CGNL1: variants seen among roughly 807,000 people sequenced by gnomAD.
The protein encoded by CGNL1 is cingulin like 1.
CGNL1 carries 132 observed loss-of-function variants against 141.2 expected under a neutral mutation model. The observed-to-expected ratio is 0.93, with a 90% confidence interval of 0.81 to 1.08. The LOEUF (loss-of-function observed/expected upper bound fraction) is 1.08. Ranked by LOEUF, CGNL1 falls within the 50% of genes least tolerant of loss-of-function variation. CGNL1 has a pLI of 0.00. For missense variants in CGNL1, 1,870 were observed against 1,588.6 expected, an observed-to-expected ratio of 1.18 and a Z score of -3.01; for synonymous variants, 690 against 622.1, an observed-to-expected ratio of 1.11 and a Z score of -1.63.
At chr15:57,445,506 C>T (rs2063239976) in intron 4 of CGNL1, among the ~76,000 whole-genome samples, 1 of 152,150 alleles carries the variant, frequency 6.6e-6, no homozygotes, top group Non-Finnish European at 1.5e-5. Context: ...GGACGGAGAC[C>T]ATACTGGAAA....
chr15:57,486,427 C>G (rs1378831077), intron 8 of CGNL1, among the ~76,000 whole-genome samples: 1 of 152,190 alleles, frequency 6.6e-6, no homozygotes, highest in Non-Finnish European at 1.5e-5. Context: ...GAAAGCCAGA[C>G]AGATACTGGG....
intron 1 of CGNL1, among the ~76,000 whole-genome samples, chr15:57,425,154 G>T (rs2062958618): frequency 1.3e-5 from 2 of 152,128 alleles, no homozygotes; most frequent in African/African-American, 4.8e-5. Flanking sequence ...GACAGGGAAA[G>T]GAAAAAGTTT....
chr15:57,545,582 C>A lies in CGNL1; in HGVS notation c.3501-10C>A. The A allele has an allele frequency of 6.2e-7, 1 of 1,610,192 alleles. No homozygotes were observed. Reference sequence around the variant, plus strand: ...TGAGAGGGTTCTTGGTTCTGTCTCCCCTCTTCCAGGGATCGGGCCAATCTT... The same window carrying A: ...TGAGAGGGTTCTTGGTTCTGTCTCCACTCTTCCAGGGATCGGGCCAATCTT... On this transcript the variant is annotated splice_polypyrimidine_tract_variant and intron_variant, in intron 16 of 18. Coordinates refer to ENST00000281282, the MANE Select transcript of CGNL1 (RefSeq NM_032866.5).
intron 8 of CGNL1, among the ~76,000 whole-genome samples, chr15:57,492,176 T>G (rs73421865): frequency 0.035 from 5,365 of 152,328 alleles, 308 homozygotes; most frequent in African/African-American, 0.12. Flanking sequence ...AACTAAAGCC[T>G]TAGGTTTCTC....
intron 3 of CGNL1, among the ~76,000 whole-genome samples, 182 bp from the exon 4 acceptor site, chr15:57,442,182 GAAAAAAAAA>G (rs61564944): frequency 1.0e-5 from 1 of 96,512 alleles, no homozygotes; most frequent in East Asian, 3.6e-4. Context: ...TCATTTATTT[GAAAAAAAAA>G]AAAAAAAAAA....
chr15:57,439,622 GT>G, intron 2 of CGNL1, 21 bp downstream of exon 2: 1 of 1,600,678 alleles, frequency 6.2e-7, no homozygotes, highest in South Asian at 1.1e-5. Flanking sequence ...TGCGATTCCT[GT>G]TTGGTTTTTT....
chr15:57,523,808 T>C (rs1163640833), intron 11 of CGNL1, among the ~76,000 whole-genome samples, 167 bp downstream of exon 11: 3 of 152,200 alleles, frequency 2.0e-5, no homozygotes, highest in African/African-American at 4.8e-5. Flanking sequence ...GTTGAAAAGA[T>C]AGACACTGGT....
intron 8 of CGNL1, among the ~76,000 whole-genome samples, chr15:57,469,151 G>A (rs545701358): frequency 1.4e-4 from 22 of 152,182 alleles, no homozygotes; most frequent in Non-Finnish European, 2.6e-4. Flanking sequence ...AGAGAGTGGG[G>A]AGGAATGAGC....
intron 8 of CGNL1, among the ~76,000 whole-genome samples, chr15:57,493,851 A>T (rs1263427877): frequency 2.6e-5 from 4 of 152,234 alleles, no homozygotes; most frequent in African/African-American, 9.7e-5. Context: ...GTTTTCAACA[A>T]ATAAAAAGTA....
At chr15:57,522,986 T>G (rs1424576651) in intron 10 of CGNL1, among the ~76,000 whole-genome samples, 2 of 152,240 alleles carry the variant, frequency 1.3e-5, no homozygotes, top group Non-Finnish European at 2.9e-5. Flanking sequence ...TTTACCCAAA[T>G]GGACCTTTGT....
intron 8 of CGNL1, among the ~76,000 whole-genome samples, chr15:57,488,079 T>G (rs1294540682): frequency 6.6e-6 from 1 of 152,334 alleles, no homozygotes; most frequent in South Asian, 2.1e-4. Context: ...ATCTGCCTTT[T>G]TTATGATAGC....
chr15:57,545,744 G>C (rs2032827320), intron 17 of CGNL1, 44 bp downstream of exon 17: 2 of 1,514,322 alleles, frequency 1.3e-6, no homozygotes, highest in South Asian at 1.2e-5. Context: ...GAGATTGCGT[G>C]TCTCAGGCTG....
intron 1 of CGNL1, among the ~76,000 whole-genome samples, chr15:57,383,456 G>A (rs1227776284): frequency 2.0e-5 from 3 of 151,554 alleles, no homozygotes; most frequent in East Asian, 1.9e-4. Flanking sequence ...GTGCCACGAC[G>A]CCCGGCTAAT....
At chr15:57,542,747 C>T (rs2934417) in intron 14 of CGNL1, among the ~76,000 whole-genome samples, 1 of 152,090 alleles carries the variant, frequency 6.6e-6, no homozygotes, top group African/African-American at 2.4e-5. Flanking sequence ...CCCCATTCCT[C>T]GTTATGTACC....
chr15:57,437,700 A>G (rs1475802745), intron 1 of CGNL1, among the ~76,000 whole-genome samples: 1 of 150,698 alleles, frequency 6.6e-6, no homozygotes, highest in Non-Finnish European at 1.5e-5. Flanking sequence ...TAATGAAGCT[A>G]CGCCAAAAGT....
At chr15:57,392,542 A>G (rs1255286238) in intron 1 of CGNL1, among the ~76,000 whole-genome samples, 1 of 152,218 alleles carries the variant, frequency 6.6e-6, no homozygotes. Context: ...ATTCTGCTGG[A>G]AATTTATCTT....
At chr15:57,532,569 G>A (rs973865233) in intron 14 of CGNL1, among the ~76,000 whole-genome samples, 1 of 152,162 alleles carries the variant, frequency 6.6e-6, no homozygotes, top group African/African-American at 2.4e-5. Flanking sequence ...AACTCTCCCC[G>A]ATTGTCTCAC....
Position 57,545,578 on chromosome 15 carries a change from C to A in CGNL1, c.3501-14C>A, listed in dbSNP as rs760753066. 3.1e-6 allele frequency: 5 copies of A among 1,608,060 alleles called. No individual in the cohort carries two copies. The highest frequency in any genetic ancestry group is 3.4e-5 in the Admixed American group (2 of 59,684). On this transcript the variant is annotated splice_polypyrimidine_tract_variant and intron_variant, in intron 16 of 18. Coordinates refer to ENST00000281282, the MANE Select transcript of CGNL1 (RefSeq NM_032866.5). ...GGAGTGAGAGGGTTCTTGGTTCTGTCTCCCCTCTTCCAGGGATCGGGCCAA... is the reference window on the plus strand; with the variant it reads ...GGAGTGAGAGGGTTCTTGGTTCTGTATCCCCTCTTCCAGGGATCGGGCCAA...
At chr15:57,495,353 C>G (rs138682602) in intron 8 of CGNL1, among the ~76,000 whole-genome samples, 2 of 152,252 alleles carry the variant, frequency 1.3e-5, no homozygotes, top group East Asian at 3.9e-4. Context: ...ACTCTGGAAC[C>G]TCTGCCAGCT....
Sources: gnomAD v4.1 joint callset for allele counts (sites outside exome capture counted in the v4.1 genomes callset) on GRCh38, gnomAD v4.1.1 for gene constraint, MANE v1.5 for transcripts, NCBI Gene and HGNC (gene_info 2026-07-23, HGNC 2026-07-21) for gene names.